The following CYTH3 variants were observed in gnomAD, a reference collection of about 807,000 sequenced individuals.
CYTH3 encodes cytohesin-3.
In CYTH3, 23 loss-of-function variants were observed where a neutral mutation model predicts 55.1. That is an observed-to-expected ratio of 0.42 (90% confidence interval 0.30 to 0.59). The LOEUF is 0.59. Ranked by LOEUF, CYTH3 falls within the 20% of genes least tolerant of loss-of-function variation. CYTH3 has a pLI of 0.20. For missense variants in CYTH3, 413 were observed against 524.8 expected, an observed-to-expected ratio of 0.79 and a Z score of 2.08; for synonymous variants, 249 against 194.9, an observed-to-expected ratio of 1.28 and a Z score of -2.31.
intron 11 of CYTH3, 26 bp from the exon 12 acceptor site, chr7:6,165,453 C>T (rs376620986): frequency 3.1e-5 from 50 of 1,608,184 alleles, no homozygotes; most frequent in East Asian, 1.3e-4. Flanking sequence ...AGAGGGGAGG[C>T]GGTCAGGGGG....
Position 6,261,183 on chromosome 7 carries a change from C to T in CYTH3, c.34+11291G>A, listed in dbSNP as rs529509599. 7.2e-5 allele frequency among the ~76,000 whole-genome samples: 11 copies of T among 152,164 alleles called. 1 individual carries two copies. Among genetic ancestry groups the T allele is most frequent in the Admixed American group, 2.6e-4 (4 of 15,280 alleles). On this transcript the variant is annotated intron_variant, in intron 1 of 12. Coordinates refer to ENST00000350796, the MANE Select transcript of CYTH3 (RefSeq NM_004227.4). ...GGGCCCCTTTTCTCCTTGAGGGATT[C>T]GCCAATTCACAGCAGAAGCTGGGAA...
intron 1 of CYTH3, among the ~76,000 whole-genome samples, chr7:6,257,301 A>T (rs758286993): frequency 6.6e-6 from 1 of 152,230 alleles, no homozygotes; most frequent in Non-Finnish European, 1.5e-5. Flanking sequence ...ATACTCTAAC[A>T]CAAACAAAAC....
In CYTH3 at chr7:6,175,700, A is replaced by G. The variant is rs73335481; in HGVS notation, c.369-1967T>C. On this transcript the variant is annotated intron_variant, in intron 5 of 12. Coordinates refer to ENST00000350796, the MANE Select transcript of CYTH3 (RefSeq NM_004227.4). ...GTGGCTGGGATTATAGACACCTGCC[A>G]TCATGTCTGGCTAATTTTTCTATTT... Among the ~76,000 whole-genome samples the G allele has an allele frequency of 9.8e-3, 1,496 of 152,002 alleles. 27 individuals carry two copies. The highest frequency in any genetic ancestry group is 0.029 in the African/African-American group (1,190 of 41,436).
chr7:6,174,789 CA>C, intron 5 of CYTH3, among the ~76,000 whole-genome samples: 1 of 152,072 alleles, frequency 6.6e-6, no homozygotes, highest in Non-Finnish European at 1.5e-5. Context: ...CCTCGTGATC[CA>C]CCCACCTCGG....
intron 1 of CYTH3, among the ~76,000 whole-genome samples, chr7:6,213,932 G>C (rs1022392271): frequency 3.3e-5 from 5 of 152,154 alleles, no homozygotes; most frequent in African/African-American, 1.2e-4. Flanking sequence ...GAGCACAGGA[G>C]TTATTCTCAG....
intron 1 of CYTH3, among the ~76,000 whole-genome samples, chr7:6,255,532 T>A (rs1780074953): frequency 6.6e-6 from 1 of 151,300 alleles, no homozygotes. Context: ...CCCAACAGAG[T>A]CGGCCGTGAA....
At chr7:6,196,882 A>T (rs1783947927) in intron 1 of CYTH3, among the ~76,000 whole-genome samples, 1 of 152,226 alleles carries the variant, frequency 6.6e-6, no homozygotes, top group African/African-American at 2.4e-5. Context: ...ACATTTACGA[A>T]AAGAATTTTC....
At chr7:6,237,578 C>A (rs1175896515) in intron 1 of CYTH3, among the ~76,000 whole-genome samples, 1 of 151,974 alleles carries the variant, frequency 6.6e-6, no homozygotes, top group Non-Finnish European at 1.5e-5. Context: ...CATGGTGGCA[C>A]GCGCCTGTTA....
chr7:6,270,593 T>C (rs1780624787), intron 1 of CYTH3, among the ~76,000 whole-genome samples: 1 of 152,258 alleles, frequency 6.6e-6, no homozygotes, highest in African/African-American at 2.4e-5. Flanking sequence ...AAACTGCTTA[T>C]TTTAATGGTT....
intron 6 of CYTH3, chr7:6,173,026 G>T: frequency 9.3e-7 from 1 of 1,075,148 alleles, no homozygotes; most frequent in Non-Finnish European, 1.1e-6. Flanking sequence ...CGGCTGAGGC[G>T]ACTCCCACCA....
chr7:6,233,175 C>T (rs1779430326), intron 1 of CYTH3, among the ~76,000 whole-genome samples: 1 of 152,182 alleles, frequency 6.6e-6, no homozygotes, highest in Non-Finnish European at 1.5e-5. Flanking sequence ...AGGTTTTCAG[C>T]ACACCAGTAT....
chr7:6,183,631 A>T (rs1055054802), intron 4 of CYTH3, among the ~76,000 whole-genome samples: 1 of 152,222 alleles, frequency 6.6e-6, no homozygotes, highest in Admixed American at 6.5e-5. Flanking sequence ...TTCATGCTTC[A>T]TAGTGTTACA....
At chr7:6,202,695 G>T (rs1398290713) in intron 1 of CYTH3, among the ~76,000 whole-genome samples, 1 of 151,922 alleles carries the variant, frequency 6.6e-6, no homozygotes, top group Non-Finnish European at 1.5e-5. Flanking sequence ...CCGACCTGAG[G>T]TGATCCGCCC....
At chr7:6,247,298 T>C (rs1779844421) in intron 1 of CYTH3, among the ~76,000 whole-genome samples, 1 of 152,250 alleles carries the variant, frequency 6.6e-6, no homozygotes, top group African/African-American at 2.4e-5. Flanking sequence ...CCCGATTTCG[T>C]TGTAAGTAAC....
At chr7:6,213,381 C>A (rs1316459175) in intron 1 of CYTH3, among the ~76,000 whole-genome samples, 1 of 152,166 alleles carries the variant, frequency 6.6e-6, no homozygotes, top group African/African-American at 2.4e-5. Context: ...AAAGGAGGAA[C>A]CTCCAACACC....
intron 1 of CYTH3, among the ~76,000 whole-genome samples, chr7:6,224,784 T>C (rs1437894004): frequency 1.3e-5 from 2 of 152,188 alleles, no homozygotes; most frequent in Non-Finnish European, 2.9e-5. Context: ...TGATTTACAA[T>C]AGCCAGAAGG....
chr7:6,173,737 G>C lies in CYTH3; in HGVS notation c.369-4C>G. The C allele has an allele frequency of 1.3e-6, 2 of 1,577,284 alleles. No individual in the cohort carries two copies. The highest frequency in any genetic ancestry group is 1.7e-6 in the Non-Finnish European group (2 of 1,146,870). ...AACTTTAATATTAAATTCATCCCTG[G>C]GAAAAAAAGAAGTAAGTTTCAAACC... is the stretch of plus-strand genomic sequence containing the variant. On this transcript the variant is annotated splice_polypyrimidine_tract_variant and splice_region_variant and intron_variant, in intron 5 of 12. Coordinates refer to ENST00000350796, the MANE Select transcript of CYTH3 (RefSeq NM_004227.4).
At chr7:6,253,711 G>A (rs534392347) in intron 1 of CYTH3, among the ~76,000 whole-genome samples, 17 of 152,260 alleles carry the variant, frequency 1.1e-4, no homozygotes, top group African/African-American at 4.1e-4. Context: ...AGCTACTGGG[G>A]AGGTTGAGGC....
At chr7:6,172,802 G>A (rs1376528879) in intron 6 of CYTH3, 2 of 1,281,410 alleles carry the variant, frequency 1.6e-6, no homozygotes, top group African/African-American at 3.0e-5. Context: ...GCGGCTGCAG[G>A]ATTCTTATAT....
Sources: allele counts gnomAD v4.1 joint callset (sites outside exome capture counted in the v4.1 genomes callset), GRCh38; gene constraint gnomAD v4.1.1; transcripts MANE v1.5; gene names NCBI Gene and HGNC (gene_info 2026-07-23, HGNC 2026-07-21).